TBC1D8: variants seen among roughly 807,000 people sequenced by gnomAD.
TBC1D8 encodes the protein BUB2-like protein 1.
Under a neutral mutation model 118.8 loss-of-function variants are expected in TBC1D8, and 65 were observed. The ratio of observed to expected loss-of-function variants is 0.55; its 90% CI spans 0.45 to 0.67. The LOEUF is 0.67. Ranked by LOEUF, TBC1D8 falls within the 30% of genes least tolerant of loss-of-function variation. TBC1D8 has a pLI of 0.00. For synonymous variants in TBC1D8, 566 were observed against 595.8 expected (o/e 0.95, Z 0.73); for missense variants, 1,376 against 1,471.2 (o/e 0.94, Z 1.06).
chr2:101,031,859 C>T (rs996701930), intron 11 of TBC1D8, among the ~76,000 whole-genome samples: 6 of 152,142 alleles, frequency 3.9e-5, no homozygotes, highest in African/African-American at 1.4e-4. Flanking sequence ...AACAAGCTCC[C>T]TGAGCTACCG....
chr2:101,148,379 G>T (rs745412142), intron 1 of TBC1D8, among the ~76,000 whole-genome samples: 4 of 152,200 alleles, frequency 2.6e-5, no homozygotes, highest in Non-Finnish European at 5.9e-5. Context: ...GAACAAATAT[G>T]CTGGGTACTA....
chr2:101,027,654 C>T (rs1446300142), intron 14 of TBC1D8, among the ~76,000 whole-genome samples: 5 of 152,190 alleles, frequency 3.3e-5, no homozygotes, highest in Non-Finnish European at 5.9e-5. Context: ...CCAGTTCACA[C>T]ATCAGTGCCT....
At chr2:101,046,386 G>GCT (rs1681704348) in intron 5 of TBC1D8, among the ~76,000 whole-genome samples, 1 of 152,192 alleles carries the variant, frequency 6.6e-6, no homozygotes, top group Admixed American at 6.5e-5. Context: ...TCAGAAAAAG[G>GCT]CTCATCCCTC....
Position 101,151,255 on chromosome 2 carries a change from G to C in TBC1D8, c.-2C>G. ...CACCTCCTCGGGCTTGAGCCACATC[G>C]CGGCGGTCCGGCCGCGCCCGCCGGC... On this transcript the variant is annotated 5_prime_UTR_variant, in exon 1 of 20. Coordinates refer to ENST00000409318, the MANE Select transcript of TBC1D8 (RefSeq NM_001330348.2). The C allele has an allele frequency of 5.2e-6, 6 of 1,155,840 alleles. No homozygotes were observed. Among genetic ancestry groups the C allele is most frequent in the Non-Finnish European group, 5.4e-6 (5 of 923,174 alleles). 71.6% of individuals were successfully genotyped at this position (1,155,840 alleles called of 1,614,324 possible). A position where few individuals can be genotyped will look rare whatever the true frequency, so the allele number is the denominator to read the frequency against.
At chr2:101,051,289 A>C (rs1295119702) in intron 4 of TBC1D8, among the ~76,000 whole-genome samples, 1 of 152,168 alleles carries the variant, frequency 6.6e-6, no homozygotes, top group African/African-American at 2.4e-5. Context: ...GGTATCGCTG[A>C]ATTGAATGGT....
chr2:101,099,819 T>C (rs1264055519), intron 1 of TBC1D8, among the ~76,000 whole-genome samples: 2 of 152,224 alleles, frequency 1.3e-5, no homozygotes, highest in African/African-American at 2.4e-5. Context: ...CATCCCTTCA[T>C]GTTAAAAACT....
intron 14 of TBC1D8, 54 bp from the exon 15 acceptor site, chr2:101,027,505 G>A (rs1680407262): frequency 1.9e-6 from 3 of 1,558,840 alleles, no homozygotes; most frequent in Non-Finnish European, 2.7e-6. Flanking sequence ...CACCCCCAGG[G>A]GTCAGGGCAA....
intron 2 of TBC1D8, among the ~76,000 whole-genome samples, chr2:101,078,153 G>A (rs1412649306): frequency 2.0e-5 from 3 of 152,088 alleles, no homozygotes; most frequent in Admixed American, 6.5e-5. Flanking sequence ...CCTAGCCTCC[G>A]AATTTTCAGG....
chr2:101,095,774 G>A (rs1676379476), intron 1 of TBC1D8, among the ~76,000 whole-genome samples: 1 of 152,172 alleles, frequency 6.6e-6, no homozygotes, highest in South Asian at 2.1e-4. Flanking sequence ...CCTGGCCCAT[G>A]CAAAAAGGGC....
At chr2:101,063,284 C>G (rs1201208836) in intron 2 of TBC1D8, among the ~76,000 whole-genome samples, 2 of 152,168 alleles carry the variant, frequency 1.3e-5, no homozygotes, top group East Asian at 3.9e-4. Context: ...GACTTTTATT[C>G]TTTAAAAAAT....
intron 2 of TBC1D8, among the ~76,000 whole-genome samples, chr2:101,079,680 G>GTTTTTTTTT (rs35466679): frequency 3.7e-5 from 3 of 81,792 alleles, no homozygotes; most frequent in African/African-American, 4.9e-5. Context: ...GTCCAGTCTG[G>GTTTTTTTTT]TTTTTTTTTT....
In TBC1D8 at chr2:101,011,906, CTA is replaced by C. The variant is rs370341051; in HGVS notation, c.2828-368_2828-367del. ...ATAAAGTACTCTAGAAATAAATACA[CTA>C]AATCTCTGGGTGGTGGAGTAATTGG... On this transcript the variant is annotated intron_variant, in intron 17 of 19. Coordinates refer to ENST00000409318, the MANE Select transcript of TBC1D8 (RefSeq NM_001330348.2). 1.1e-4 allele frequency among the ~76,000 whole-genome samples: 17 copies of C among 152,296 alleles called. 2 individuals are homozygous for C. In the South Asian group the frequency reaches 3.5e-3, roughly 32 times the overall value.
intron 1 of TBC1D8, among the ~76,000 whole-genome samples, chr2:101,139,869 C>T (rs996095893): frequency 6.6e-6 from 1 of 152,158 alleles, no homozygotes; most frequent in Non-Finnish European, 1.5e-5. Context: ...GCACTCACCA[C>T]CATTGATAAC....
intron 3 of TBC1D8, 135 bp downstream of exon 3, chr2:101,059,286 G>C: frequency 2.1e-6 from 1 of 482,732 alleles, no homozygotes. Context: ...GGTGATAAAT[G>C]AAACTTATTT....
intron 2 of TBC1D8, among the ~76,000 whole-genome samples, chr2:101,066,531 A>T (rs1050937253): frequency 2.0e-5 from 3 of 152,226 alleles, no homozygotes; most frequent in African/African-American, 7.2e-5. Context: ...TAACTAATTA[A>T]ATAGTGTTTT....
At chr2:101,012,290 AAAAC>A (rs1422777053) in intron 17 of TBC1D8, among the ~76,000 whole-genome samples, 2 of 152,332 alleles carry the variant, frequency 1.3e-5, no homozygotes, top group Non-Finnish European at 2.9e-5. Context: ...AGTAGCCAAA[AAAAC>A]ACCCAAATGT....
At chr2:101,147,471 C>G (rs1199770681) in intron 1 of TBC1D8, among the ~76,000 whole-genome samples, 1 of 152,162 alleles carries the variant, frequency 6.6e-6, no homozygotes, top group Admixed American at 6.6e-5. Flanking sequence ...CTCACCAACA[C>G]GTTTTTCCTT....
In TBC1D8 at chr2:101,054,294, C is replaced by A; in HGVS notation, c.445G>T (p.Glu149Ter). The change falls in exon 4 of 20, where the codon GAG becomes TAG. Residue 149 changes from glutamate to a stop codon, truncating the protein, a stop_gained. Transcript: ENST00000409318. LOFTEE classifies it high-confidence loss of function. ...EETSSRLAEQ[E>*]EEPEKFREAL... is the part of the protein sequence containing the mutation. ...TCTCGGAATTTCTCGGGTTCCTCCTCCTGCTCGGCGAGCCTGCTGCTGGTC... is the reference window on the plus strand; with the variant it reads ...TCTCGGAATTTCTCGGGTTCCTCCTACTGCTCGGCGAGCCTGCTGCTGGTC... 1 of 1,582,632 alleles carries A rather than the reference C, an allele frequency of 6.3e-7. No individual in the cohort carries two copies. Among genetic ancestry groups the A allele is most frequent in the East Asian group, 2.3e-5 (1 of 43,270 alleles).
Position 101,083,894 on chromosome 2 carries a change from G to A in TBC1D8, c.283+6315C>T, listed in dbSNP as rs181570453. The stretch of plus-strand genomic sequence containing the variant: ...AATAACACAGTGCAAGATGCCCAAG[G>A]CACTCCCAGAAGAGGCCTAAGGATC... On this transcript the variant is annotated intron_variant, in intron 2 of 19. Coordinates refer to ENST00000409318, the MANE Select transcript of TBC1D8 (RefSeq NM_001330348.2). Among the ~76,000 whole-genome samples, 133 of 152,276 alleles carry A rather than the reference G, an allele frequency of 8.7e-4. 1 individual carries two copies. Among genetic ancestry groups the A allele is most frequent in the African/African-American group, 3.1e-3 (130 of 41,552 alleles).
Sources: gnomAD v4.1 joint callset for allele counts (sites outside exome capture counted in the v4.1 genomes callset) on GRCh38, gnomAD v4.1.1 for gene constraint, MANE v1.5 for transcripts, NCBI Gene and HGNC (gene_info 2026-07-23, HGNC 2026-07-21) for gene names.